Variants in OPCML observed in about 807,000 individuals in gnomAD.
OPCML encodes opioid-binding protein/cell adhesion molecule.
In OPCML, 13 loss-of-function variants were observed where a neutral mutation model predicts 37.8. The observed-to-expected ratio is 0.34, with a 90% CI of 0.22 to 0.55. The LOEUF is 0.55. Ranked by LOEUF, OPCML falls within the 20% of genes least tolerant of loss-of-function variation. OPCML has a pLI of 0.91. For synonymous variants in OPCML, 176 were observed against 168.8 expected (o/e 1.04, Z -0.33); for missense variants, 341 against 435.6 (o/e 0.78, Z 1.93).
chr11:133,466,480 G>A (rs905215762), intron 1 of OPCML, among the ~76,000 whole-genome samples: 1 of 152,160 alleles, frequency 6.6e-6, no homozygotes, highest in Non-Finnish European at 1.5e-5. Flanking sequence ...ATGGCCAGTG[G>A]AAGCACAGGT....
intron 2 of OPCML, among the ~76,000 whole-genome samples, chr11:132,850,791 A>G (rs1941775766): frequency 6.6e-6 from 1 of 152,226 alleles, no homozygotes; most frequent in African/African-American, 2.4e-5. Context: ...CTATGCATAC[A>G]ATAATAATAA....
chr11:132,806,077 G>A (rs1305454494), intron 2 of OPCML, among the ~76,000 whole-genome samples: 1 of 152,050 alleles, frequency 6.6e-6, no homozygotes, highest in Non-Finnish European at 1.5e-5. Context: ...ATTAGCCATA[G>A]AGAAACCATA....
intron 1 of OPCML, among the ~76,000 whole-genome samples, chr11:133,531,344 T>C (rs1948600753): frequency 6.6e-6 from 1 of 152,214 alleles, no homozygotes; most frequent in African/African-American, 2.4e-5. Flanking sequence ...GCAGATTTGT[T>C]TTCCCCAAAC....
At chr11:132,545,618 A>G (rs1490957795) in intron 3 of OPCML, among the ~76,000 whole-genome samples, 3 of 152,208 alleles carry the variant, frequency 2.0e-5, no homozygotes, top group African/African-American at 7.2e-5. Flanking sequence ...ACAGATTTGT[A>G]TAACTTTGTA....
intron 3 of OPCML, among the ~76,000 whole-genome samples, chr11:132,640,882 C>T (rs1940813893): frequency 6.6e-6 from 1 of 152,172 alleles, no homozygotes; most frequent in Non-Finnish European, 1.5e-5. Context: ...CGCCCCAGGC[C>T]TGCCATGACA....
Position 132,593,655 on chromosome 11 carries a change from T to C in OPCML, c.379+63432A>G, listed in dbSNP as rs536661849. Among the ~76,000 whole-genome samples the C allele has an allele frequency of 7.2e-5, 11 of 152,018 alleles. 1 individual carries two copies. The highest frequency in any genetic ancestry group is 2.4e-4 in the African/African-American group (10 of 41,490). Reference sequence around the variant, plus strand: ...TGTAGCACTAGACATGGGAGAGAAATGGAGAGAATTCTCTGAGATGAAGTT... The same window carrying C: ...TGTAGCACTAGACATGGGAGAGAAACGGAGAGAATTCTCTGAGATGAAGTT... On this transcript the variant is annotated intron_variant, in intron 3 of 7. Coordinates refer to ENST00000524381, the MANE Select transcript of OPCML (RefSeq NM_001012393.5).
chr11:133,277,334 T>C (rs1279579614), intron 1 of OPCML, among the ~76,000 whole-genome samples: 4 of 152,140 alleles, frequency 2.6e-5, no homozygotes, highest in Non-Finnish European at 5.9e-5. Context: ...TTGGTTAACA[T>C]GAGTCATTGA....
chr11:132,834,096 G>C (rs1441612846), intron 2 of OPCML, among the ~76,000 whole-genome samples: 1 of 152,124 alleles, frequency 6.6e-6, no homozygotes, highest in African/African-American at 2.4e-5. Context: ...TTGGCTCATA[G>C]CTCCTTTTCT....
intron 2 of OPCML, among the ~76,000 whole-genome samples, chr11:132,884,337 T>C (rs895057343): frequency 3.3e-5 from 5 of 152,270 alleles, no homozygotes; most frequent in Admixed American, 2.6e-4. Context: ...GTATCAAAAA[T>C]GTTAAATGGC....
intron 1 of OPCML, among the ~76,000 whole-genome samples, chr11:133,076,717 A>T (rs975636750): frequency 9.9e-5 from 15 of 151,696 alleles, no homozygotes; most frequent in African/African-American, 3.6e-4. Flanking sequence ...TGTCATCATC[A>T]TCATCATCAT....
chr11:133,472,077 A>G (rs770533124), intron 1 of OPCML, among the ~76,000 whole-genome samples: 2 of 152,184 alleles, frequency 1.3e-5, no homozygotes, highest in African/African-American at 2.4e-5. Context: ...TGAAAAGTTA[A>G]GTTTGATTTT....
intron 7 of OPCML, among the ~76,000 whole-genome samples, chr11:132,421,585 C>G (rs912493841): frequency 6.6e-6 from 1 of 152,206 alleles, no homozygotes; most frequent in Non-Finnish European, 1.5e-5. Context: ...TTCCTCTCCA[C>G]TAATCTTAAC....
At position 133,307,898 on chromosome 11, in the gene OPCML, T is replaced by G. The variant is rs945439435; in HGVS notation, c.61+224366A>C. ...CCCAAGCAAGTTATCACTGACTTAC[T>G]ACTCTCAGAGTAATTTTATTAATCA... On this transcript the variant is annotated intron_variant, in intron 1 of 7. Coordinates refer to ENST00000524381, the MANE Select transcript of OPCML (RefSeq NM_001012393.5). Among the ~76,000 whole-genome samples, 84 of 152,162 alleles carry G rather than the reference T, an allele frequency of 5.5e-4. 1 individual carries two copies. The highest frequency in any genetic ancestry group is 8.8e-5 in the Non-Finnish European group (6 of 68,006).
At chr11:133,236,226 C>T (rs1276685148) in intron 1 of OPCML, among the ~76,000 whole-genome samples, 1 of 152,162 alleles carries the variant, frequency 6.6e-6, no homozygotes, top group Non-Finnish European at 1.5e-5. Flanking sequence ...ACCAAGGCAG[C>T]TGCTAATTGA....
intron 3 of OPCML, among the ~76,000 whole-genome samples, chr11:132,595,263 A>T (rs548408943): frequency 6.6e-6 from 1 of 152,118 alleles, no homozygotes; most frequent in Admixed American, 6.6e-5. Context: ...GGAGGATTTT[A>T]AAAAGTAAAT....
intron 3 of OPCML, among the ~76,000 whole-genome samples, chr11:132,582,568 A>T (rs566957986): frequency 6.6e-6 from 1 of 152,300 alleles, no homozygotes; most frequent in East Asian, 1.9e-4. Context: ...GGACTCCTGG[A>T]ATATTCAACT....
intron 1 of OPCML, among the ~76,000 whole-genome samples, chr11:133,323,844 G>C (rs937622041): frequency 2.0e-5 from 3 of 152,288 alleles, no homozygotes; most frequent in Non-Finnish European, 4.4e-5. Flanking sequence ...CTTCATTTAT[G>C]CCCTCTCCGT....
intron 4 of OPCML, among the ~76,000 whole-genome samples, chr11:132,476,980 C>T (rs1029463299): frequency 2.6e-5 from 4 of 152,026 alleles, no homozygotes; most frequent in African/African-American, 9.7e-5. Context: ...TCTGAGTATC[C>T]ATTATGCTGA....
intron 2 of OPCML, among the ~76,000 whole-genome samples, chr11:132,927,926 G>A (rs1008773490): frequency 2.0e-5 from 3 of 151,864 alleles, no homozygotes; most frequent in African/African-American, 7.2e-5. Context: ...TAAGCCCTAT[G>A]TGCAAATCAT....
Sources: allele counts gnomAD v4.1 joint callset (sites outside exome capture counted in the v4.1 genomes callset), GRCh38; gene constraint gnomAD v4.1.1; transcripts MANE v1.5; gene names NCBI Gene and HGNC (gene_info 2026-07-23, HGNC 2026-07-21).